Variants in FAM241A observed in about 807,000 individuals in gnomAD.
FAM241A encodes family with sequence similarity 241 member A.
Under a neutral mutation model 12.2 loss-of-function variants are expected in FAM241A, and 7 were observed. The ratio of observed to expected loss-of-function variants is 0.58; its 90% CI spans 0.33 to 1.08. The LOEUF (loss-of-function observed/expected upper bound fraction) is 1.08. FAM241A is among the 50% of genes least tolerant of loss of function. The pLI, the probability that FAM241A is intolerant of heterozygous loss-of-function variation, is 0.04. For synonymous variants in FAM241A, 74 were observed against 68.2 expected (o/e 1.08, Z -0.42); for missense variants, 161 against 169.7 (o/e 0.95, Z 0.29).
intron 1 of FAM241A, among the ~76,000 whole-genome samples, chr4:112,168,444 T>G (rs1232850871): frequency 6.6e-6 from 1 of 152,168 alleles, no homozygotes; most frequent in Non-Finnish European, 1.5e-5. Context: ...TGACAAAAAG[T>G]GAAGTATATA....
In FAM241A at chr4:112,187,005, C is replaced by G; in HGVS notation, c.*67C>G. On this transcript the variant is annotated 3_prime_UTR_variant, in exon 2 of 2. Transcript: ENST00000309733. ...ATGTAATTGAAGAAGTTATATATTT[C>G]ACTTTTTGACAACCGAAAAAGTTTG... is the stretch of plus-strand genomic sequence containing the variant. The G allele has an allele frequency of 1.3e-6, 2 of 1,525,508 alleles. No individual in the cohort carries two copies. Among genetic ancestry groups the G allele is most frequent in the Non-Finnish European group, 1.8e-6 (2 of 1,135,350 alleles). The allele number at this position is 1,525,508 out of a possible 1,614,324, so 94.5% of individuals were successfully genotyped here. A position where few individuals can be genotyped will look rare whatever the true frequency, so the allele number is the denominator to read the frequency against.
intron 1 of FAM241A, among the ~76,000 whole-genome samples, chr4:112,176,782 G>A (rs546000620): frequency 6.9e-6 from 1 of 144,958 alleles, no homozygotes; most frequent in South Asian, 2.2e-4. Flanking sequence ...CACTCTTCGT[G>A]TGCATGTCAT....
At chr4:112,164,321 T>G (rs948041680) in intron 1 of FAM241A, among the ~76,000 whole-genome samples, 1 of 145,534 alleles carries the variant, frequency 6.9e-6, no homozygotes, top group African/African-American at 2.6e-5. Flanking sequence ...AAGCTGGATA[T>G]CATCATTCTG....
In FAM241A at chr4:112,171,128, T is replaced by C. The variant is rs140903821; in HGVS notation, c.154-15565T>C. 8.0e-4 allele frequency: 329 copies of C among 412,242 alleles called. 2 individuals carry two copies. The highest frequency in any genetic ancestry group is 6.2e-3 in the African/African-American group (302 of 48,924). 25.5% of individuals were successfully genotyped at this position (412,242 alleles called of 1,614,324 possible). A position where few individuals can be genotyped will look rare whatever the true frequency, so the allele number is the denominator to read the frequency against. ...TGTGTATAAAACAAGAAACTGTTAT[T>C]GTACAGGAAAAAAAATGCAAAAACC... On this transcript the variant is annotated intron_variant, in intron 1 of 1. Coordinates refer to ENST00000309733, the MANE Select transcript of FAM241A (RefSeq NM_152400.3).
intron 1 of FAM241A, among the ~76,000 whole-genome samples, chr4:112,146,117 C>A (rs1208563390): frequency 6.6e-6 from 1 of 152,156 alleles, no homozygotes; most frequent in African/African-American, 2.4e-5. Flanking sequence ...CCGTGCCCTG[C>A]GCCAGGTTTA....
intron 1 of FAM241A, among the ~76,000 whole-genome samples, chr4:112,178,783 C>A (rs746476374): frequency 6.6e-6 from 1 of 151,902 alleles, no homozygotes; most frequent in Non-Finnish European, 1.5e-5. Flanking sequence ...AAACTTAAAT[C>A]AACAAGCAAA....
chr4:112,146,451 A>ATT (rs1229083846), intron 1 of FAM241A, among the ~76,000 whole-genome samples: 1 of 152,258 alleles, frequency 6.6e-6, no homozygotes, highest in Non-Finnish European at 1.5e-5. Flanking sequence ...GATAATGGGC[A>ATT]TTATAACATC....
At chr4:112,145,928 C>T (rs1723127744) in intron 1 of FAM241A, among the ~76,000 whole-genome samples, 195 bp downstream of exon 1, 1 of 151,456 alleles carries the variant, frequency 6.6e-6, no homozygotes, top group African/African-American at 2.4e-5. Flanking sequence ...CGGGGTCGCG[C>T]GAGTGCAGAC....
At chr4:112,179,178 GT>G in intron 1 of FAM241A, among the ~76,000 whole-genome samples, 1 of 152,110 alleles carries the variant, frequency 6.6e-6, no homozygotes, top group East Asian at 1.9e-4. Flanking sequence ...TGCTTTTGGT[GT>G]TTTAGACATG....
intron 1 of FAM241A, among the ~76,000 whole-genome samples, chr4:112,182,243 C>T (rs967504913): frequency 7.2e-5 from 11 of 152,230 alleles, no homozygotes; most frequent in African/African-American, 2.4e-4. Flanking sequence ...CCTCACAAAT[C>T]AGCCAGATGG....
intron 1 of FAM241A, chr4:112,171,299 G>C: frequency 1.3e-6 from 1 of 756,258 alleles, no homozygotes; most frequent in Admixed American, 1.7e-5. Flanking sequence ...AGTACAAGAA[G>C]GGCAAGGATT....
At position 112,194,782 on chromosome 4, in the gene FAM241A, T is replaced by G. The variant is rs1724234776; in HGVS notation, c.*7844T>G. On this transcript the variant is annotated 3_prime_UTR_variant, in exon 2 of 2. Transcript: ENST00000309733. ...TTTATTGAGGATTTTTATTTTTAAT[T>G]TTTTGTTTTGTTTTTTGAGGCGAAG... The G allele has an allele frequency of 6.6e-6, 1 of 152,200 alleles. No homozygotes were observed. Among genetic ancestry groups the G allele is most frequent in the Admixed American group, 6.5e-5 (1 of 15,274 alleles). 9.4% of individuals were successfully genotyped at this position (152,200 alleles called of 1,614,324 possible).
At chr4:112,174,598 C>T (rs1020931992) in intron 1 of FAM241A, among the ~76,000 whole-genome samples, 8 of 152,054 alleles carry the variant, frequency 5.3e-5, no homozygotes, top group African/African-American at 1.9e-4. Flanking sequence ...CTAGTGGCAC[C>T]GTCAAAACAA....
Position 112,192,616 on chromosome 4 carries a change from G to A in FAM241A, c.*5678G>A, listed in dbSNP as rs1411793082. The A allele has an allele frequency of 3.3e-5, 5 of 150,558 alleles. No individual in the cohort carries two copies. Among genetic ancestry groups the A allele is most frequent in the Non-Finnish European group, 5.9e-5 (4 of 67,810 alleles). The allele number at this position is 150,558 out of a possible 1,614,324, so 9.3% of individuals were successfully genotyped here. ...GTGGTGTTTGGTTTTTTGTCCTTGC[G>A]ATAGTTTACTGAGAATGATGATTTC... On this transcript the variant is annotated 3_prime_UTR_variant, in exon 2 of 2. Coordinates refer to ENST00000309733, the MANE Select transcript of FAM241A (RefSeq NM_152400.3).
chr4:112,146,046 C>T (rs889287162), intron 1 of FAM241A, among the ~76,000 whole-genome samples: 1 of 152,158 alleles, frequency 6.6e-6, no homozygotes, highest in Non-Finnish European at 1.5e-5. Context: ...AGGAAATGCC[C>T]TCCATAGCGG....
chr4:112,145,832 A>T, intron 1 of FAM241A, 99 bp downstream of exon 1: 2 of 734,990 alleles, frequency 2.7e-6, no homozygotes, highest in Non-Finnish European at 3.4e-6. Context: ...GCCGCGCCGC[A>T]GCTCTGCCCC....
At chr4:112,152,769 C>T (rs1375286400) in intron 1 of FAM241A, among the ~76,000 whole-genome samples, 2 of 152,140 alleles carry the variant, frequency 1.3e-5, no homozygotes, top group African/African-American at 4.8e-5. Flanking sequence ...TGAAGTATGA[C>T]AGATCTAATT....
rs1432540315 is a variant in FAM241A, at chr4:112,191,233, T to C, written c.*4295T>C. ...ATGTAACCAAGTACCAAATCTATTT[T>C]ACTTCTAAAAATATAATCTTTCTAC... is the stretch of plus-strand genomic sequence containing the variant. On this transcript the variant is annotated 3_prime_UTR_variant, in exon 2 of 2. Transcript: ENST00000309733. 2.0e-5 allele frequency: 3 copies of C among 152,218 alleles called. No homozygotes were observed. Among genetic ancestry groups the C allele is most frequent in the African/African-American group, 7.2e-5 (3 of 41,458 alleles). 9.4% of individuals were successfully genotyped at this position (152,218 alleles called of 1,614,324 possible).
intron 1 of FAM241A, among the ~76,000 whole-genome samples, chr4:112,156,979 T>G: frequency 6.6e-6 from 1 of 152,186 alleles, no homozygotes; most frequent in East Asian, 1.9e-4. Context: ...GAAACCCAGA[T>G]AGTCAATGAA....
Sources: gnomAD v4.1 joint callset for allele counts (sites outside exome capture counted in the v4.1 genomes callset) on GRCh38, gnomAD v4.1.1 for gene constraint, MANE v1.5 for transcripts, NCBI Gene and HGNC (gene_info 2026-07-23, HGNC 2026-07-21) for gene names.